CCDC50: variants seen among roughly 807,000 people sequenced by gnomAD.
CCDC50 encodes coiled-coil domain containing 50.
In CCDC50, 54 loss-of-function variants were observed where a neutral mutation model predicts 70.2. The ratio of observed to expected loss-of-function variants is 0.77; its 90% CI spans 0.62 to 0.96. The LOEUF is 0.96. Among genes scored for constraint, CCDC50 ranks in the 50% least tolerant of loss-of-function variants. The pLI is 0.00. For missense variants in CCDC50, 558 were observed against 578.7 expected (o/e 0.96, Z 0.37); for synonymous variants, 216 against 198.8 (o/e 1.09, Z -0.73).
chr3:191,343,159 T>TATGCAAGAAG (rs1711791353), intron 1 of CCDC50, among the ~76,000 whole-genome samples: 3 of 152,210 alleles, frequency 2.0e-5, no homozygotes, highest in African/African-American at 7.2e-5. Flanking sequence ...TGCACCTATT[T>TATGCAAGAAG]TGGTATCTGT....
chr3:191,370,847 T>G (rs996423642), intron 5 of CCDC50, among the ~76,000 whole-genome samples: 5 of 152,184 alleles, frequency 3.3e-5, no homozygotes, highest in African/African-American at 1.2e-4. Context: ...AATTTGAATA[T>G]GATTTTATGA....
chr3:191,363,706 C>A (rs1323347165), intron 4 of CCDC50, among the ~76,000 whole-genome samples: 2 of 152,182 alleles, frequency 1.3e-5, no homozygotes, highest in African/African-American at 4.8e-5. Context: ...CACTAGCTTG[C>A]CCTCAGTAGA....
chr3:191,358,044 G>T lies in CCDC50; in HGVS notation c.159G>T (p.Gln53His). 2 of 1,614,024 alleles carry T rather than the reference G, an allele frequency of 1.2e-6. No individual in the cohort carries two copies. Among genetic ancestry groups the T allele is most frequent in the Non-Finnish European group, 1.7e-6 (2 of 1,179,904 alleles). Residue 53 changes from glutamine (Q) to histidine (H), a missense_variant, in exon 3 of 12, where the codon CAG becomes CAT. Gln to His is a conservative substitution (Grantham distance 24). Coordinates refer to ENST00000392455, the MANE Select transcript of CCDC50 (RefSeq NM_178335.3). Reference protein sequence around the residue: ...ASNVQRNRLVQHDLQVAKQLQ... With the variant: ...ASNVQRNRLVHHDLQVAKQLQ... ...ACGTTCAGCGGAACCGTTTGGTCCA[G>T]CATGATCTCCAGGTGGCTAAGCAGC...
At chr3:191,369,361 A>G (rs1473542392) in intron 4 of CCDC50, among the ~76,000 whole-genome samples, 3 of 151,818 alleles carry the variant, frequency 2.0e-5, no homozygotes, top group Admixed American at 2.0e-4. Context: ...AACATTACGG[A>G]ATGTTATTCA....
intron 1 of CCDC50, among the ~76,000 whole-genome samples, chr3:191,345,480 T>C (rs917154786): frequency 6.6e-6 from 1 of 152,226 alleles, no homozygotes; most frequent in Non-Finnish European, 1.5e-5. Flanking sequence ...TCATTTGTGC[T>C]GTCAGATGGA....
At position 191,357,257 on chromosome 3, in the gene CCDC50, C is replaced by A. The variant is rs535341061; in HGVS notation, c.112+107C>A. 1.8e-5 allele frequency: 15 copies of A among 844,540 alleles called. No individual in the cohort carries two copies. In the African/African-American group the frequency reaches 2.3e-4, roughly 13 times the overall value. The allele number at this position is 844,540 out of a possible 1,614,324, so 52.3% of individuals were successfully genotyped here. A position where few individuals can be genotyped will look rare whatever the true frequency, so the allele number is the denominator to read the frequency against. ...GGGAGAGAGCACAGTCACTTGGCTT[C>A]ACCATCCATACATCCTGAAGGATTT... On this transcript the variant is annotated intron_variant, in intron 2 of 11. Transcript: ENST00000392455.
intron 1 of CCDC50, among the ~76,000 whole-genome samples, chr3:191,345,641 C>T (rs1320801322): frequency 5.3e-5 from 8 of 152,170 alleles, no homozygotes; most frequent in African/African-American, 1.9e-4. Flanking sequence ...CGCTTGCCTG[C>T]AATCTGGTGT....
In CCDC50 at chr3:191,349,772, C is replaced by T. The variant is rs1017078928; in HGVS notation, c.50-7316C>T. On this transcript the variant is annotated intron_variant, in intron 1 of 11. Coordinates refer to ENST00000392455, the MANE Select transcript of CCDC50 (RefSeq NM_178335.3). ...TGTTTTTTCAGGTGTAAATATAGGC[C>T]GACTGTGATTGCTAGAAGTCTATTC... Among the ~76,000 whole-genome samples, 10 of 140,822 alleles carry T rather than the reference C, an allele frequency of 7.1e-5. 3 individuals are homozygous for T. Among genetic ancestry groups the T allele is most frequent in the Non-Finnish European group, 1.4e-4 (9 of 62,518 alleles). The allele number at this position is 140,822 out of a possible 152,430, so 92.4% of individuals were successfully genotyped here.
intron 9 of CCDC50, among the ~76,000 whole-genome samples, chr3:191,382,129 C>T (rs1713340120): frequency 6.6e-6 from 1 of 152,000 alleles, no homozygotes; most frequent in African/African-American, 2.4e-5. Context: ...TCTTTGCTAC[C>T]TTAACTAGGA....
chr3:191,390,359 T>G (rs1340826644), intron 11 of CCDC50, among the ~76,000 whole-genome samples: 1 of 152,210 alleles, frequency 6.6e-6, no homozygotes, highest in East Asian at 1.9e-4. Context: ...GACGAAACCT[T>G]TAAAATTTGT....
At chr3:191,330,079 T>C (rs921847328) in intron 1 of CCDC50, among the ~76,000 whole-genome samples, 1 of 152,116 alleles carries the variant, frequency 6.6e-6, no homozygotes, top group Non-Finnish European at 1.5e-5. Flanking sequence ...AGGCCCAGCC[T>C]GGCTGGCTTG....
chr3:191,391,313 C>A (rs1387287074), intron 11 of CCDC50, among the ~76,000 whole-genome samples: 1 of 152,120 alleles, frequency 6.6e-6, no homozygotes, highest in East Asian at 1.9e-4. Context: ...GGTTGTCAAG[C>A]ATTTGCATTT....
At chr3:191,383,612 C>T (rs1216080200) in intron 10 of CCDC50, among the ~76,000 whole-genome samples, 1 of 152,094 alleles carries the variant, frequency 6.6e-6, no homozygotes, top group East Asian at 1.9e-4. Flanking sequence ...GAATAATTGA[C>T]ACTGTTGTTG....
intron 1 of CCDC50, among the ~76,000 whole-genome samples, chr3:191,343,920 A>G (rs1017361450): frequency 2.6e-5 from 4 of 152,228 alleles, no homozygotes; most frequent in Non-Finnish European, 4.4e-5. Flanking sequence ...GTCTGTGACT[A>G]TATCTGCACA....
At position 191,375,263 on chromosome 3, in the gene CCDC50, A is replaced by G; in HGVS notation, c.650A>G (p.His217Arg). ...TCGGGCAAAGGGAGGGACAATCCCC[A>G]TATTAACAATGAGCAGCATGAAAGG... ...SSSGKGRDNP[H>R]INNEQHERKR... The change falls in exon 6 of 12, where the codon CAT becomes CGT. Residue 217 changes from histidine (H) to arginine (R), a missense_variant. By Grantham distance (29) the His-to-Arg change is conservative (BLOSUM62 0). Transcript: ENST00000392455. 1.2e-6 allele frequency: 2 copies of G among 1,613,752 alleles called. No individual in the cohort carries two copies. The highest frequency in any genetic ancestry group is 1.7e-6 in the Non-Finnish European group (2 of 1,179,850).
rs774926550 is a variant in CCDC50, at chr3:191,375,421, C to T, written c.808C>T (p.Arg270Ter). Reference protein sequence around the residue: ...HQTRNWEKQSRHQDRLSPKSS... With the variant: ...HQTRNWEKQS ...GACTCGAAATTGGGAAAAACAGTCT[C>T]GACACCAAGATCGACTTTCACCCAA... is the stretch of plus-strand genomic sequence containing the variant. Residue 270 changes from arginine (R) to a stop codon, truncating the protein, a stop_gained, in exon 6 of 12, where the codon CGA (arginine) becomes TGA (stop). Coordinates refer to ENST00000392455, the MANE Select transcript of CCDC50 (RefSeq NM_178335.3). LOFTEE classifies it high-confidence loss of function. The T allele has an allele frequency of 2.1e-5, 34 of 1,613,612 alleles. No individual in the cohort carries two copies. The African/African-American group carries it at 2.1e-4, about 10-fold the overall frequency.
rs1390163875 is a variant in CCDC50, at chr3:191,392,475, A to G, written c.*715A>G. 1 of 152,236 alleles carries G rather than the reference A, an allele frequency of 6.6e-6. No individual in the cohort carries two copies. The highest frequency in any genetic ancestry group is 1.5e-5 in the Non-Finnish European group (1 of 68,050). 9.4% of individuals were successfully genotyped at this position (152,236 alleles called of 1,614,324 possible). ...TTAGTTCTCTGAAATTTTAACTCAT[A>G]TATATGAAAAACTTTGTATTCCATC... is the stretch of plus-strand genomic sequence containing the variant. On this transcript the variant is annotated 3_prime_UTR_variant, in exon 12 of 12. Coordinates refer to ENST00000392455, the MANE Select transcript of CCDC50 (RefSeq NM_178335.3).
At chr3:191,387,493 C>T (rs776902547) in intron 10 of CCDC50, among the ~76,000 whole-genome samples, 1 of 150,224 alleles carries the variant, frequency 6.7e-6, no homozygotes, top group Non-Finnish European at 1.5e-5. Flanking sequence ...GTGTAGGACT[C>T]TTGGCAGCAG....
chr3:191,332,280 A>G (rs369474582), intron 1 of CCDC50, among the ~76,000 whole-genome samples: 1 of 152,198 alleles, frequency 6.6e-6, no homozygotes, highest in East Asian at 1.9e-4. Flanking sequence ...CATCATTTGG[A>G]CAGACCTTTT....
Sources: allele counts gnomAD v4.1 joint callset (sites outside exome capture counted in the v4.1 genomes callset), GRCh38; gene constraint gnomAD v4.1.1; transcripts MANE v1.5; gene names NCBI Gene and HGNC (gene_info 2026-07-23, HGNC 2026-07-21).